SCD5: variants seen among roughly 807,000 people sequenced by gnomAD.
The protein encoded by SCD5 is acyl-CoA-desaturase 4.
In SCD5, 20 loss-of-function variants were observed where a neutral mutation model predicts 30.4. The ratio of observed to expected loss-of-function variants is 0.66; its 90% CI spans 0.46 to 0.96. SCD5 has a LOEUF of 0.96. Ranked by LOEUF, SCD5 falls within the 40% of genes least tolerant of loss-of-function variation. The probability of loss-of-function intolerance (pLI) is 0.00; values close to 1 mark genes in which losing one functional copy is unlikely to be tolerated. For missense variants in SCD5, 381 were observed against 443.3 expected (o/e 0.86, Z 1.26); for synonymous variants, 173 against 176.4 (o/e 0.98, Z 0.16).
chr4:82,685,746 C>T (rs1728689941), intron 2 of SCD5, among the ~76,000 whole-genome samples: 1 of 150,658 alleles, frequency 6.6e-6, no homozygotes, highest in Non-Finnish European at 1.5e-5. Context: ...AAACTAAAAA[C>T]AAAAAAAGTG....
intron 3 of SCD5, among the ~76,000 whole-genome samples, chr4:82,642,454 C>T (rs1197601456): frequency 6.6e-6 from 1 of 152,220 alleles, no homozygotes; most frequent in Non-Finnish European, 1.5e-5. Context: ...TGTGTACACT[C>T]TAGACAGAAT....
At chr4:82,782,127 A>G (rs1337748601) in intron 1 of SCD5, among the ~76,000 whole-genome samples, 1 of 150,564 alleles carries the variant, frequency 6.6e-6, no homozygotes, top group Non-Finnish European at 1.5e-5. Flanking sequence ...GGATGCCCCT[A>G]AAGACAATTT....
intron 1 of SCD5, among the ~76,000 whole-genome samples, chr4:82,790,048 C>T (rs1722068584): frequency 1.3e-5 from 2 of 152,128 alleles, no homozygotes; most frequent in South Asian, 4.1e-4. Context: ...CCAAGCCTCC[C>T]CTCAGCTCCA....
chr4:82,664,563 A>G (rs1215065269), intron 3 of SCD5, among the ~76,000 whole-genome samples: 1 of 152,208 alleles, frequency 6.6e-6, no homozygotes, highest in Non-Finnish European at 1.5e-5. Context: ...GAACATGTTA[A>G]AGGGATCTAT....
chr4:82,706,449 T>G (rs1205938406), intron 1 of SCD5, among the ~76,000 whole-genome samples: 1 of 152,254 alleles, frequency 6.6e-6, no homozygotes, highest in Non-Finnish European at 1.5e-5. Flanking sequence ...TGTCTGTCTA[T>G]CCCTATGGCA....
chr4:82,640,607 C>T (rs1727522256), intron 3 of SCD5, among the ~76,000 whole-genome samples: 3 of 152,208 alleles, frequency 2.0e-5, no homozygotes, highest in Admixed American at 2.0e-4. Context: ...TCCTCCCTGA[C>T]TATCTCAAGC....
chr4:82,638,300 G>C (rs1339464643), intron 3 of SCD5, among the ~76,000 whole-genome samples: 1 of 151,900 alleles, frequency 6.6e-6, no homozygotes, highest in African/African-American at 2.4e-5. Flanking sequence ...AAAAAAAGCA[G>C]ACCACGAGGC....
At chr4:82,734,587 T>C (rs1369643712) in intron 1 of SCD5, among the ~76,000 whole-genome samples, 1 of 152,216 alleles carries the variant, frequency 6.6e-6, no homozygotes, top group African/African-American at 2.4e-5. Context: ...TTGCAGTCTT[T>C]AAAATTGTGC....
At chr4:82,690,803 G>C (rs979724955) in intron 2 of SCD5, among the ~76,000 whole-genome samples, 4 of 151,974 alleles carry the variant, frequency 2.6e-5, no homozygotes, top group African/African-American at 9.7e-5. Flanking sequence ...GATATTTACT[G>C]ACCGGTACAC....
At chr4:82,705,166 G>C (rs1719941569) in intron 2 of SCD5, 117 bp downstream of exon 2, 2 of 1,276,342 alleles carry the variant, frequency 1.6e-6, no homozygotes, top group African/African-American at 1.5e-5. Context: ...GGGCGTGCTT[G>C]GGGCCTGAAC....
At chr4:82,694,564 T>C (rs997281593) in intron 2 of SCD5, among the ~76,000 whole-genome samples, 6 of 152,200 alleles carry the variant, frequency 3.9e-5, no homozygotes, top group Non-Finnish European at 8.8e-5. Context: ...TCTGTGGTGG[T>C]AATTGCCTCC....
chr4:82,735,254 TC>T (rs1193378068), intron 1 of SCD5, among the ~76,000 whole-genome samples: 1 of 152,214 alleles, frequency 6.6e-6, no homozygotes, highest in African/African-American at 2.4e-5. Flanking sequence ...TCTGGTTTCC[TC>T]CCACATCCCA....
chr4:82,778,284 C>A (rs1721796668), intron 1 of SCD5, among the ~76,000 whole-genome samples: 1 of 152,120 alleles, frequency 6.6e-6, no homozygotes, highest in Non-Finnish European at 1.5e-5. Flanking sequence ...CAGAACCCAC[C>A]CTGCCTCCAG....
intron 1 of SCD5, among the ~76,000 whole-genome samples, chr4:82,752,877 A>G (rs1336446362): frequency 3.3e-5 from 5 of 152,188 alleles, no homozygotes. Flanking sequence ...TTTCCCAAAA[A>G]TGACATGACT....
intron 1 of SCD5, among the ~76,000 whole-genome samples, chr4:82,761,336 A>G (rs970484615): frequency 2.0e-5 from 3 of 152,134 alleles, no homozygotes; most frequent in African/African-American, 7.2e-5. Flanking sequence ...GCTTAGTCCA[A>G]TATGTTCTGT....
intron 1 of SCD5, among the ~76,000 whole-genome samples, chr4:82,742,253 C>A (rs190958727): frequency 2.4e-3 from 361 of 152,222 alleles, no homozygotes; most frequent in Admixed American, 5.2e-3. Flanking sequence ...GCCATGACAG[C>A]AGGCTAGAGG....
intron 1 of SCD5, among the ~76,000 whole-genome samples, chr4:82,722,524 G>A (rs1380780856): frequency 6.6e-6 from 1 of 152,184 alleles, no homozygotes; most frequent in Non-Finnish European, 1.5e-5. Flanking sequence ...AGCACTTTGG[G>A]AGACCAAGGC....
chr4:82,639,541 GCT>G (rs1462792256), intron 3 of SCD5, among the ~76,000 whole-genome samples: 1 of 152,280 alleles, frequency 6.6e-6, no homozygotes, highest in African/African-American at 2.4e-5. Context: ...GGGCGAGGCA[GCT>G]CTCTGTGGCC....
chr4:82,703,496 T>C (rs141916780), intron 2 of SCD5, among the ~76,000 whole-genome samples: 1 of 152,368 alleles, frequency 6.6e-6, no homozygotes, highest in East Asian at 1.9e-4. Context: ...AAGGAACTGA[T>C]ACTTGCAGAA....
Sources: gnomAD v4.1 joint callset for allele counts (sites outside exome capture counted in the v4.1 genomes callset) on GRCh38, gnomAD v4.1.1 for gene constraint, MANE v1.5 for transcripts, NCBI Gene and HGNC (gene_info 2026-07-23, HGNC 2026-07-21) for gene names.